VRK1: variants seen among roughly 807,000 people sequenced by gnomAD.
The protein encoded by VRK1 is VRK serine/threonine kinase 1, also known as serine/threonine-protein kinase VRK1.
VRK1 carries 33 observed loss-of-function variants against 57.1 expected under a neutral mutation model. That is an observed-to-expected ratio of 0.58 (90% CI 0.44 to 0.77). The LOEUF is 0.77. Among genes scored for constraint, VRK1 ranks in the 30% least tolerant of loss-of-function variants. The pLI is 0.00. For missense variants in VRK1, 413 were observed against 477.3 expected (o/e 0.87, Z 1.25); for synonymous variants, 137 against 147.8 (o/e 0.93, Z 0.53).
At chr14:96,873,319 C>T (rs923860536) in intron 11 of VRK1, among the ~76,000 whole-genome samples, 4 of 152,042 alleles carry the variant, frequency 2.6e-5, no homozygotes, top group African/African-American at 7.3e-5. Context: ...ATGCATCTAG[C>T]CTGTTTGTCT....
intron 1 of VRK1, among the ~76,000 whole-genome samples, chr14:96,804,795 A>G (rs1458116068): frequency 6.6e-6 from 1 of 152,222 alleles, no homozygotes; most frequent in Non-Finnish European, 1.5e-5. Flanking sequence ...CCAGAAAGCT[A>G]AAAAAGTGGT....
chr14:96,801,094 A>C (rs185928031), intron 1 of VRK1, among the ~76,000 whole-genome samples: 29 of 152,052 alleles, frequency 1.9e-4, no homozygotes, highest in East Asian at 1.7e-3. Flanking sequence ...TATTTATTTT[A>C]TTTTCTTTTT....
At chr14:96,856,615 G>C in intron 10 of VRK1, 29 bp downstream of exon 10, 1 of 1,593,640 alleles carries the variant, frequency 6.3e-7, no homozygotes, top group Non-Finnish European at 8.6e-7. Flanking sequence ...AGTGTTAATA[G>C]GGATTTTGTT....
At chr14:96,844,588 G>A (rs1266236346) in intron 3 of VRK1, among the ~76,000 whole-genome samples, 1 of 152,074 alleles carries the variant, frequency 6.6e-6, no homozygotes, top group East Asian at 1.9e-4. Context: ...GTTGCCCAGG[G>A]TGGAGTGCAG....
chr14:96,835,739 T>G (rs749185222), intron 2 of VRK1, among the ~76,000 whole-genome samples: 2 of 152,164 alleles, frequency 1.3e-5, no homozygotes, highest in Non-Finnish European at 2.9e-5. Context: ...CCTTTTCTAG[T>G]CCTATTGCTT....
At chr14:96,845,676 A>G (rs966908275) in intron 3 of VRK1, among the ~76,000 whole-genome samples, 2 of 152,184 alleles carry the variant, frequency 1.3e-5, no homozygotes, top group Non-Finnish European at 2.9e-5. Flanking sequence ...CAGGAAAGGA[A>G]TGGGATTTTG....
chr14:96,842,834 A>G (rs1349708371), intron 3 of VRK1, among the ~76,000 whole-genome samples: 1 of 152,202 alleles, frequency 6.6e-6, no homozygotes, highest in Non-Finnish European at 1.5e-5. Flanking sequence ...TAATTATTTT[A>G]AATGGAATCT....
intron 11 of VRK1, among the ~76,000 whole-genome samples, chr14:96,871,283 G>T (rs909135255): frequency 3.3e-5 from 5 of 152,290 alleles, no homozygotes; most frequent in East Asian, 1.9e-4. Context: ...TGCTTGAGTT[G>T]TACTTCCTTT....
intron 5 of VRK1, among the ~76,000 whole-genome samples, chr14:96,851,312 T>C (rs1049741323): frequency 6.6e-6 from 1 of 152,064 alleles, no homozygotes; most frequent in Non-Finnish European, 1.5e-5. Context: ...GGCTAATTTT[T>C]GTGTTTTTAG....
intron 4 of VRK1, 47 bp from the exon 5 acceptor site, chr14:96,847,210 A>G (rs747086386): frequency 6.6e-7 from 1 of 1,508,816 alleles, no homozygotes; most frequent in East Asian, 2.3e-5. Context: ...AAAAATTATC[A>G]TTTATGTATA....
chr14:96,815,564 A>G (rs959579885), intron 1 of VRK1, among the ~76,000 whole-genome samples: 16 of 152,088 alleles, frequency 1.1e-4, no homozygotes, highest in African/African-American at 3.9e-4. Context: ...TTAGGTTGAC[A>G]TTGTTAGGAA....
rs149966904 is a variant in VRK1, at chr14:96,865,199, A to G, written c.1068+4464A>G. On this transcript the variant is annotated intron_variant, in intron 11 of 12. Coordinates refer to ENST00000216639, the MANE Select transcript of VRK1 (RefSeq NM_003384.3). Reference sequence around the variant, plus strand: ...TTCAAGAAAGTTTATCTTATCCATCACATTTAAGTCTACAGTTTAACAGAA... The same window carrying G: ...TTCAAGAAAGTTTATCTTATCCATCGCATTTAAGTCTACAGTTTAACAGAA... Among the ~76,000 whole-genome samples, 177 of 152,308 alleles carry G rather than the reference A, an allele frequency of 1.2e-3. 2 individuals are homozygous for G. Among genetic ancestry groups the G allele is most frequent in the African/African-American group, 3.9e-3 (164 of 41,568 alleles).
chr14:96,876,111 A>G lies in VRK1; in HGVS notation c.1150A>G (p.Ile384Val), dbSNP rs147604836. The G allele has an allele frequency of 1.0e-4, 161 of 1,613,500 alleles. No homozygotes were observed. The highest frequency in any genetic ancestry group is 1.2e-4 in the Non-Finnish European group (144 of 1,179,614). ...EWSNTQTEEA[I>V]QTRSRTRKRV... ...GTCAAACACACAGACAGAGGAGGCCATACAGACCCGTAAGTTGAACAGTTT... is the reference window on the plus strand; with the variant it reads ...GTCAAACACACAGACAGAGGAGGCCGTACAGACCCGTAAGTTGAACAGTTT... Residue 384 changes from isoleucine to valine, a missense_variant, in exon 12 of 13, where the codon ATA becomes GTA. Physicochemically the swap from Ile to Val is conservative, Grantham distance 29. Coordinates refer to ENST00000216639, the MANE Select transcript of VRK1 (RefSeq NM_003384.3).
At position 96,864,231 on chromosome 14, in the gene VRK1, C is replaced by T. The variant is rs1042395939; in HGVS notation, c.1068+3496C>T. On this transcript the variant is annotated intron_variant, in intron 11 of 12. Transcript: ENST00000216639. The stretch of plus-strand genomic sequence containing the variant: ...AATTTTGTCAAGTGGACTTTTTTGC[C>T]CTAATTAAGTGAAGTTGTTACGTAT... 6.6e-5 allele frequency among the ~76,000 whole-genome samples: 10 copies of T among 151,678 alleles called. No individual in the cohort carries two copies. In the South Asian group the frequency reaches 2.1e-3, roughly 32 times the overall value.
At chr14:96,812,956 A>G (rs1271222213) in intron 1 of VRK1, among the ~76,000 whole-genome samples, 1 of 152,188 alleles carries the variant, frequency 6.6e-6, no homozygotes, top group African/African-American at 2.4e-5. Flanking sequence ...TAAGGAAAAA[A>G]GACCTGGAGA....
intron 3 of VRK1, among the ~76,000 whole-genome samples, chr14:96,841,300 A>T (rs2139768303): frequency 6.6e-6 from 1 of 152,126 alleles, no homozygotes; most frequent in East Asian, 1.9e-4. Context: ...TGCCTTTTTA[A>T]CTTATATAGT....
intron 1 of VRK1, 129 bp from the exon 2 acceptor site, chr14:96,833,338 G>T (rs2139747998): frequency 1.0e-6 from 1 of 975,288 alleles, no homozygotes; most frequent in Non-Finnish European, 1.5e-6. Context: ...AGAATTAACA[G>T]GTATCCTTTA....
chr14:96,805,747 A>G (rs1218797697), intron 1 of VRK1, among the ~76,000 whole-genome samples: 1 of 152,218 alleles, frequency 6.6e-6, no homozygotes, highest in African/African-American at 2.4e-5. Context: ...TTGTTGAGGC[A>G]AGGATTTTAC....
chr14:96,829,176 A>G lies in VRK1; in HGVS notation c.-5-4291A>G, dbSNP rs554463250. On this transcript the variant is annotated intron_variant, in intron 1 of 12. Transcript: ENST00000216639. ...ACTCATAGTTTACAGGAAATAAAGT[A>G]CAGATTTTGCTTAGGAGTGTTTTCT... 1.2e-4 allele frequency among the ~76,000 whole-genome samples: 18 copies of G among 152,182 alleles called. No homozygotes were observed. The South Asian group carries it at 3.5e-3, about 30-fold the overall frequency.
Sources: allele counts gnomAD v4.1 joint callset (sites outside exome capture counted in the v4.1 genomes callset), GRCh38; gene constraint gnomAD v4.1.1; transcripts MANE v1.5; gene names NCBI Gene and HGNC (gene_info 2026-07-23, HGNC 2026-07-21).